ADGRV1: variants seen among roughly 807,000 people sequenced by gnomAD.
ADGRV1 encodes the protein adhesion G protein-coupled receptor V1, also known as G-protein coupled receptor 98.
In ADGRV1, 359 loss-of-function variants were observed where a neutral mutation model predicts 596.2. That is an observed-to-expected ratio of 0.60 (90% confidence interval 0.55 to 0.66). The LOEUF is 0.66. Ranked by LOEUF, ADGRV1 falls within the 30% of genes least tolerant of loss-of-function variation. ADGRV1 has a pLI of 0.00. For missense variants in ADGRV1, 7,274 were observed against 7,575.6 expected, an observed-to-expected ratio of 0.96 and a Z score of 1.48; for synonymous variants, 2,681 against 2,679.2, an observed-to-expected ratio of 1.00 and a Z score of -0.02.
intron 89 of ADGRV1, among the ~76,000 whole-genome samples, chr5:91,155,462 T>C (rs1325871975): frequency 6.6e-6 from 1 of 151,932 alleles, no homozygotes; most frequent in Non-Finnish European, 1.5e-5. Context: ...TCTACTAGAG[T>C]TCCCCAGCTG....
chr5:90,855,036 A>G (rs1015911719), intron 81 of ADGRV1, among the ~76,000 whole-genome samples: 1 of 152,188 alleles, frequency 6.6e-6, no homozygotes, highest in African/African-American at 2.4e-5. Flanking sequence ...TTCAAGCTGC[A>G]TCTGGAGTTT....
Position 90,731,794 on chromosome 5 carries a change from T to C in ADGRV1, c.10549+2030T>C, listed in dbSNP as rs181850088. 2.5e-3 allele frequency among the ~76,000 whole-genome samples: 380 copies of C among 152,308 alleles called. 3 individuals are homozygous for C. The highest frequency in any genetic ancestry group is 8.6e-3 in the African/African-American group (356 of 41,564). On this transcript the variant is annotated intron_variant, in intron 50 of 89. Transcript: ENST00000405460. ...TCTTAGAATCTATTCATATTTATTG[T>C]GTAAGAGATTAAAACTGAGAAATGT...
chr5:90,729,574 T>G, intron 49 of ADGRV1, 68 bp from the exon 50 acceptor site: 1 of 1,171,544 alleles, frequency 8.5e-7, no homozygotes, highest in South Asian at 1.4e-5. Flanking sequence ...TATAGTTTTA[T>G]TATGTAATTT....
At chr5:90,588,147 A>G (rs1433250995) in intron 1 of ADGRV1, among the ~76,000 whole-genome samples, 1 of 152,164 alleles carries the variant, frequency 6.6e-6, no homozygotes, top group East Asian at 1.9e-4. Context: ...ACTACTTTAT[A>G]TTCAGTTGCT....
Position 90,985,387 on chromosome 5 carries a change from C to T in ADGRV1, c.18017C>T (p.Thr6006Ile). Residue 6006 changes from threonine (T) to isoleucine (I), a missense_variant, in exon 85 of 90, where the codon ACA becomes ATA. Thr to Ile is a moderately conservative substitution (Grantham distance 89, BLOSUM62 -1). This residue lies in a region of ADGRV1 where 1,874 missense variants were observed against 1,970.2 expected (regional missense o/e 0.95). Coordinates refer to ENST00000405460, the MANE Select transcript of ADGRV1 (RefSeq NM_032119.4). Reference protein sequence around the residue: ...WYVLVMNDEHTERRYLLFFLL... With the variant: ...WYVLVMNDEHIERRYLLFFLL... ...GTGCTGGTGATGAATGATGAGCACACAGAGAGGCGATATCTGCTGTTTTTC... is the reference window on the plus strand; with the variant it reads ...GTGCTGGTGATGAATGATGAGCACATAGAGAGGCGATATCTGCTGTTTTTC... The T allele has an allele frequency of 5.0e-6, 8 of 1,613,526 alleles. No individual in the cohort carries two copies. The highest frequency in any genetic ancestry group is 4.5e-5 in the East Asian group (2 of 44,850).
At chr5:91,061,015 A>G (rs996101838) in intron 85 of ADGRV1, among the ~76,000 whole-genome samples, 1 of 152,156 alleles carries the variant, frequency 6.6e-6, no homozygotes, top group Non-Finnish European at 1.5e-5. Flanking sequence ...TTGGGCATAG[A>G]CCCATCCAGA....
At chr5:90,695,872 G>A (rs1305978198) in intron 33 of ADGRV1, among the ~76,000 whole-genome samples, 1 of 151,940 alleles carries the variant, frequency 6.6e-6, no homozygotes, top group Non-Finnish European at 1.5e-5. Flanking sequence ...TGACGAGGAG[G>A]GAGTGGAAAT....
At chr5:90,616,603 G>A (rs965554950) in intron 2 of ADGRV1, among the ~76,000 whole-genome samples, 1 of 151,908 alleles carries the variant, frequency 6.6e-6, no homozygotes, top group Non-Finnish European at 1.5e-5. Context: ...ATAGTTGTAC[G>A]TATTTTGGGG....
chr5:90,697,313 T>C (rs1203312779), intron 34 of ADGRV1, among the ~76,000 whole-genome samples, 167 bp downstream of exon 34: 2 of 152,180 alleles, frequency 1.3e-5, no homozygotes, highest in Non-Finnish European at 2.9e-5. Context: ...ATGAACTGTT[T>C]AGCCAGATTT....
chr5:90,646,124 A>G lies in ADGRV1; in HGVS notation c.3022+33A>G, dbSNP rs768111085. On this transcript the variant is annotated intron_variant, in intron 16 of 89. Transcript: ENST00000405460. ...TGCTGTCTTATTTGAATGAGTTTAC[A>G]TATTTCTTAAATAGTATATATAAAT... 1.1e-5 allele frequency: 17 copies of G among 1,492,956 alleles called. No homozygotes were observed. In the Admixed American group the frequency reaches 2.8e-4, roughly 25 times the overall value. 92.5% of individuals were successfully genotyped at this position (1,492,956 alleles called of 1,614,324 possible). A position where few individuals can be genotyped will look rare whatever the true frequency, so the allele number is the denominator to read the frequency against.
intron 84 of ADGRV1, 134 bp downstream of exon 84, chr5:90,965,665 T>A (rs1015606125): frequency 2.5e-4 from 131 of 528,156 alleles, no homozygotes; most frequent in Non-Finnish European, 3.9e-4. Flanking sequence ...AGGATATAAA[T>A]GACAAATAAA....
At chr5:91,088,529 A>AG (rs1324778506) in intron 86 of ADGRV1, among the ~76,000 whole-genome samples, 1 of 152,182 alleles carries the variant, frequency 6.6e-6, no homozygotes, top group Non-Finnish European at 1.5e-5. Flanking sequence ...TGGGAAGCTT[A>AG]GGAAGCATAG....
intron 68 of ADGRV1, among the ~76,000 whole-genome samples, chr5:90,788,984 A>G (rs1217802919): frequency 6.6e-6 from 1 of 152,126 alleles, no homozygotes; most frequent in Non-Finnish European, 1.5e-5. Context: ...AATCCATGAA[A>G]TAGGCTGGCA....
intron 77 of ADGRV1, among the ~76,000 whole-genome samples, chr5:90,838,534 G>A (rs563964128): frequency 2.0e-5 from 3 of 152,254 alleles, no homozygotes. Context: ...CCATGTATCT[G>A]ATTGCTCTTA....
At chr5:90,652,063 T>TG (rs1768710551) in intron 18 of ADGRV1, among the ~76,000 whole-genome samples, 1 of 152,194 alleles carries the variant, frequency 6.6e-6, no homozygotes, top group South Asian at 2.1e-4. Flanking sequence ...ACTTTGCTTT[T>TG]GGAAAACTTT....
At position 90,965,454 on chromosome 5, in the gene ADGRV1, G is replaced by T. The variant is rs200380522; in HGVS notation, c.17896G>T (p.Ala5966Ser). ...GTCTGCATACGCAAGTCCCCAACTC[G>T]CTGAGGAGAGCTGTTCAGCTATGGC... ...LASAYASPQL[A>S]EESCSAMAAV... The change falls in exon 84 of 90, where the codon GCT becomes TCT. Residue 5966 changes from alanine (A) to serine (S), a missense_variant. Ala to Ser is a moderately conservative substitution (Grantham distance 99). Transcript: ENST00000405460. The T allele has an allele frequency of 1.9e-6, 3 of 1,613,630 alleles. No individual in the cohort carries two copies. Among genetic ancestry groups the T allele is most frequent in the Non-Finnish European group, 1.7e-6 (2 of 1,179,640 alleles).
At chr5:91,053,693 G>C (rs1264308946) in intron 85 of ADGRV1, among the ~76,000 whole-genome samples, 2 of 152,100 alleles carry the variant, frequency 1.3e-5, no homozygotes, top group African/African-American at 4.8e-5. Flanking sequence ...AGATTTCACT[G>C]TCTTAACTTC....
At position 91,164,204 on chromosome 5, in the gene ADGRV1, G is replaced by A. The variant is rs1331854335; in HGVS notation, c.*304G>A. 1 of 393,206 alleles carries A rather than the reference G, an allele frequency of 2.5e-6. No homozygotes were observed. The allele number at this position is 393,206 out of a possible 1,614,324, so 24.4% of individuals were successfully genotyped here. ...TTTAATGAAAGTAATAATCAATAAA[G>A]CAATAGAATCTATTTGGTATCATCC... On this transcript the variant is annotated 3_prime_UTR_variant, in exon 90 of 90. Transcript: ENST00000405460.
chr5:91,098,514 G>A (rs187522776), intron 86 of ADGRV1, among the ~76,000 whole-genome samples: 86 of 152,256 alleles, frequency 5.6e-4, no homozygotes, highest in African/African-American at 1.9e-3. Context: ...ACAAAATCTG[G>A]ATATGCCTCT....
Sources: allele counts gnomAD v4.1 joint callset (sites outside exome capture counted in the v4.1 genomes callset), GRCh38; gene constraint gnomAD v4.1.1; regional missense constraint gnomAD v4.1.1; transcripts MANE v1.5; gene names NCBI Gene and HGNC (gene_info 2026-07-23, HGNC 2026-07-21).